Variants in DNM1 observed in about 807,000 individuals in gnomAD.
The protein encoded by DNM1 is dynamin-1.
A neutral mutation model predicts 104.6 loss-of-function variants in DNM1; 29 were observed. The ratio of observed to expected loss-of-function variants is 0.28; its 90% CI spans 0.21 to 0.38. The LOEUF is 0.38. DNM1 is among the 10% of genes least tolerant of loss of function. The probability of loss-of-function intolerance (pLI) is 1.00; values close to 1 mark genes in which losing one functional copy is unlikely to be tolerated. For synonymous variants in DNM1, 445 were observed against 475.8 expected (o/e 0.94, Z 0.84); for missense variants, 640 against 1,189.4 (o/e 0.54, Z 6.79).
chr9:128,228,145 G>A (rs1835456716), intron 10 of DNM1, among the ~76,000 whole-genome samples: 2 of 152,102 alleles, frequency 1.3e-5, no homozygotes, highest in Admixed American at 6.6e-5. Flanking sequence ...AGGTTCAAGC[G>A]ATTCTCCTGC....
Position 128,247,988 on chromosome 9 carries a change from C to T in DNM1, c.1905+53C>T. ...CCAGGCATCTGCAGCCTGGCACCAG[C>T]TCCAGCCAGGTTTTCAAGCAAGGGA... On this transcript the variant is annotated intron_variant, in intron 18 of 21. Coordinates refer to ENST00000372923, the MANE Select transcript of DNM1 (RefSeq NM_004408.4). This position sits in a 1 kb window ranked among gnomAD's most constrained non-coding sequence, Gnocchi z 5.1. The T allele has an allele frequency of 1.9e-6, 3 of 1,612,698 alleles. No homozygotes were observed. The highest frequency in any genetic ancestry group is 2.5e-6 in the Non-Finnish European group (3 of 1,178,738).
chr9:128,242,500 C>T (rs548294372), intron 15 of DNM1, among the ~76,000 whole-genome samples, 155 bp downstream of exon 15: 1 of 152,186 alleles, frequency 6.6e-6, no homozygotes, highest in South Asian at 2.1e-4. Context: ...TGGCTCACAC[C>T]TATAATCCCA....
intron 10 of DNM1, among the ~76,000 whole-genome samples, chr9:128,229,600 C>CAAAAAAAAAAA: frequency 1.5e-5 from 1 of 66,670 alleles, no homozygotes; most frequent in Non-Finnish European, 2.6e-5. Flanking sequence ...AAAACCTTAT[C>CAAAAAAAAAAA]AAAAAAAAAA....
At chr9:128,228,854 G>A (rs1564337816) in intron 10 of DNM1, among the ~76,000 whole-genome samples, 3 of 152,044 alleles carry the variant, frequency 2.0e-5, no homozygotes, top group East Asian at 1.9e-4. Context: ...ATGGTGGCAC[G>A]TGCCTGTAGT....
intron 1 of DNM1, among the ~76,000 whole-genome samples, chr9:128,208,671 C>A (rs1267757639): frequency 6.6e-6 from 1 of 152,166 alleles, no homozygotes; most frequent in Non-Finnish European, 1.5e-5. Context: ...AGTTGTGAGT[C>A]AGCCAGACCC....
In DNM1 at chr9:128,224,648, A is replaced by G. The variant is rs932012725; in HGVS notation, c.1335+259A>G. On this transcript the variant is annotated intron_variant, in intron 10 of 21. Coordinates refer to ENST00000372923, the MANE Select transcript of DNM1 (RefSeq NM_004408.4). The surrounding 1 kb of genome is among the most constrained non-coding windows in gnomAD (Gnocchi z 4.3). ...GGCTGGCTGTTTACCCCAAGAGCCC[A>G]CCAAGAGCTCCCCCAGCTCAGAGAA... 2.0e-5 allele frequency among the ~76,000 whole-genome samples: 3 copies of G among 152,026 alleles called. No homozygotes were observed. Among genetic ancestry groups the G allele is most frequent in the Non-Finnish European group, 4.4e-5 (3 of 67,980 alleles).
chr9:128,254,820 T>G lies in DNM1; in HGVS notation c.*106T>G. On this transcript the variant is annotated 3_prime_UTR_variant, in exon 22 of 22. Coordinates refer to ENST00000372923, the MANE Select transcript of DNM1 (RefSeq NM_004408.4). This position sits in a 1 kb window ranked among gnomAD's most constrained non-coding sequence, Gnocchi z 6.1. The stretch of plus-strand genomic sequence containing the variant: ...AGCCCCAAAGCCAGCCCCCTTCATC[T>G]GTGACTTAATCTGTTGTAGTGGTGA... The G allele has an allele frequency of 1.1e-6, 1 of 900,586 alleles. No homozygotes were observed. The highest frequency in any genetic ancestry group is 1.8e-6 in the Non-Finnish European group (1 of 563,392). The allele number at this position is 900,586 out of a possible 1,614,324, so 55.8% of individuals were successfully genotyped here.
chr9:128,254,879 C>T lies in DNM1; in HGVS notation c.*165C>T. On this transcript the variant is annotated 3_prime_UTR_variant, in exon 22 of 22. Transcript: ENST00000372923. This position sits in a 1 kb window ranked among gnomAD's most constrained non-coding sequence, Gnocchi z 6.1. Reference sequence around the variant, plus strand: ...ATTCAGGTGTGACCGTTGGTGAAAACTTGTGCCCCTTCTGTGGTATGCCCT... The same window carrying T: ...ATTCAGGTGTGACCGTTGGTGAAAATTTGTGCCCCTTCTGTGGTATGCCCT... The T allele has an allele frequency of 1.6e-6, 1 of 627,200 alleles. No individual in the cohort carries two copies. The highest frequency in any genetic ancestry group is 2.8e-6 in the Non-Finnish European group (1 of 359,286). The allele number at this position is 627,200 out of a possible 1,614,324, so 38.9% of individuals were successfully genotyped here.
In DNM1 at chr9:128,224,162, T is replaced by A. The variant is rs1588375516; in HGVS notation, c.1197-89T>A. The A allele has an allele frequency of 6.0e-6, 9 of 1,504,810 alleles. No homozygotes were observed. The highest frequency in any genetic ancestry group is 8.0e-6 in the Non-Finnish European group (9 of 1,121,088). The allele number at this position is 1,504,810 out of a possible 1,614,324, so 93.2% of individuals were successfully genotyped here. On this transcript the variant is annotated intron_variant, in intron 9 of 21. Transcript: ENST00000372923. This position sits in a 1 kb window ranked among gnomAD's most constrained non-coding sequence, Gnocchi z 4.3. ...TAGTGGAAGGGCCCCTCAGGCAGAG[T>A]TCGTGGGCTTGGGGAGGAGCCTCGG... is the stretch of plus-strand genomic sequence containing the variant.
chr9:128,247,185 G>A lies in DNM1; in HGVS notation c.1782-190G>A, dbSNP rs1338332860. On this transcript the variant is annotated intron_variant, in intron 16 of 21. Coordinates refer to ENST00000372923, the MANE Select transcript of DNM1 (RefSeq NM_004408.4). The surrounding 1 kb of genome is among the most constrained non-coding windows in gnomAD (Gnocchi z 5.1). ...ACTGAATCCTCAGTGACCCAAGGAG[G>A]CAGGAATTATTATTAACCCATCTTC... The A allele has an allele frequency of 3.9e-6, 2 of 509,478 alleles. No homozygotes were observed. Among genetic ancestry groups the A allele is most frequent in the Non-Finnish European group, 7.1e-6 (2 of 281,352 alleles). 31.6% of individuals were successfully genotyped at this position (509,478 alleles called of 1,614,324 possible).
chr9:128,219,129 A>C lies in DNM1; in HGVS notation c.466A>C (p.Ile156Leu). Reference protein sequence around the residue: ...GDQPPDIEFQIRDMLMQFVTK... With the variant: ...GDQPPDIEFQLRDMLMQFVTK... ...CCAACCTCCCGACATCGAGTTCCAG[A>C]TCCGAGACATGCTTATGCAGTTTGT... The change falls in exon 4 of 22, where the codon ATC becomes CTC. Residue 156 changes from isoleucine to leucine, a missense_variant. Around this residue, in one of 7 missense-constraint regions of DNM1, gnomAD observed 172 missense variants for 335.3 expected, o/e 0.51. Coordinates refer to ENST00000372923, the MANE Select transcript of DNM1 (RefSeq NM_004408.4). 1.2e-6 allele frequency: 2 copies of C among 1,614,166 alleles called. No individual in the cohort carries two copies. Among genetic ancestry groups the C allele is most frequent in the Non-Finnish European group, 1.7e-6 (2 of 1,180,036 alleles).
At chr9:128,237,385 C>T (rs935348964) in intron 11 of DNM1, among the ~76,000 whole-genome samples, 6 of 152,152 alleles carry the variant, frequency 3.9e-5, no homozygotes, top group African/African-American at 1.2e-4. Context: ...CCTCAGCCTC[C>T]CAAGTAGCTG....
chr9:128,223,103 G>C (rs1835120158), intron 9 of DNM1: 1 of 525,294 alleles, frequency 1.9e-6, no homozygotes, highest in Non-Finnish European at 3.4e-6. Context: ...CAGGTGGCCG[G>C]GGAAACACCC....
intron 20 of DNM1, 126 bp from the exon 21 acceptor site, chr9:128,250,598 CT>C: frequency 9.8e-7 from 1 of 1,024,734 alleles, no homozygotes; most frequent in Non-Finnish European, 1.3e-6. Flanking sequence ...CGGCGACCGC[CT>C]TAGGGGTGCG....
At chr9:128,216,558 C>T (rs999021342) in intron 1 of DNM1, among the ~76,000 whole-genome samples, 3 of 152,156 alleles carry the variant, frequency 2.0e-5, no homozygotes, top group South Asian at 2.1e-4. Context: ...TTGCCTGGTG[C>T]GCAGAAATGA....
Position 128,220,478 on chromosome 9 carries a change from CAACTTG to C in DNM1, c.849+138_849+143del. ...CAAACTGAGCCTCAGAAAAGCAAAG[CAACTTG>C]CCCACAGCCCCACAGCTAGGTAGCA... On this transcript the variant is annotated intron_variant, in intron 6 of 21. Transcript: ENST00000372923. This position sits in a 1 kb window ranked among gnomAD's most constrained non-coding sequence, Gnocchi z 5.2. The C allele has an allele frequency of 8.8e-7, 1 of 1,137,764 alleles. No homozygotes were observed. The highest frequency in any genetic ancestry group is 1.2e-6 in the Non-Finnish European group (1 of 810,696). The allele number at this position is 1,137,764 out of a possible 1,614,324, so 70.5% of individuals were successfully genotyped here. A position where few individuals can be genotyped will look rare whatever the true frequency, so the allele number is the denominator to read the frequency against.
chr9:128,250,010 G>C (rs1299399125), intron 19 of DNM1, 105 bp from the exon 20 acceptor site: 2 of 1,552,282 alleles, frequency 1.3e-6, no homozygotes. Flanking sequence ...TAGGAGCCGC[G>C]TCTGAAAAGC....
At chr9:128,213,330 C>T (rs1834419226) in intron 1 of DNM1, among the ~76,000 whole-genome samples, 1 of 152,204 alleles carries the variant, frequency 6.6e-6, no homozygotes, top group Non-Finnish European at 1.5e-5. Context: ...GATCCACCCA[C>T]CTCGGCCTCC....
rs1307093151 is a variant in DNM1, at chr9:128,222,834, T to C, written c.1170T>C (p.Tyr390=). 1 of 1,614,162 alleles carries C rather than the reference T, an allele frequency of 6.2e-7. No individual in the cohort carries two copies. The highest frequency in any genetic ancestry group is 8.5e-7 in the Non-Finnish European group (1 of 1,180,010). The change falls in exon 9 of 22, where the codon TAT becomes TAC. Residue 390 remains tyrosine (Y), a synonymous_variant. Transcript: ENST00000372923. This position sits in a 1 kb window ranked among gnomAD's most constrained non-coding sequence, Gnocchi z 7.8. ...DEKELRREIS[Y]AIKNIHGIRT... is the part of the protein sequence containing the mutation. The stretch of plus-strand genomic sequence containing the variant: ...AGGAACTCCGAAGGGAGATCAGCTA[T>C]GCTATCAAGAATATCCATGGCATTA...
Sources: gnomAD v4.1 joint callset for allele counts (sites outside exome capture counted in the v4.1 genomes callset) on GRCh38, gnomAD v4.1.1 for gene constraint, gnomAD v4.1.1 regional missense constraint, Gnocchi (gnomAD v3.1) non-coding constraint, MANE v1.5 for transcripts, NCBI Gene and HGNC (gene_info 2026-07-23, HGNC 2026-07-21) for gene names.